BMAL2: variants seen among roughly 807,000 people sequenced by gnomAD.
BMAL2 encodes the protein basic helix-loop-helix ARNT like 2.
the BMAL2 span, among the ~76,000 whole-genome samples, chr12:27,371,609 A>G: frequency 1.3e-5 from 2 of 152,236 alleles, no homozygotes; most frequent in Non-Finnish European, 2.9e-5. Flanking sequence ...TGAATGCAGT[A>G]GGAAAACTGA....
chr12:27,421,879 G>A, the BMAL2 span: 1 of 152,150 alleles, frequency 6.6e-6, no homozygotes. Context: ...CAGATTAAAT[G>A]ATTAACTAAC....
chr12:27,406,566 G>A, the BMAL2 span, among the ~76,000 whole-genome samples: 1 of 152,282 alleles, frequency 6.6e-6, no homozygotes, highest in South Asian at 2.1e-4. Flanking sequence ...TCACCACCAG[G>A]ACTGCCTTAC....
chr12:27,364,757 A>C, the BMAL2 span, among the ~76,000 whole-genome samples: 1 of 152,190 alleles, frequency 6.6e-6, no homozygotes, highest in African/African-American at 2.4e-5. Flanking sequence ...AGTATATTGA[A>C]GCCTCCAATT....
the BMAL2 span, among the ~76,000 whole-genome samples, chr12:27,410,499 A>G: frequency 2.6e-5 from 4 of 152,350 alleles, no homozygotes; most frequent in Non-Finnish European, 4.4e-5. Context: ...GCAAGGACAA[A>G]AAACCAAACA....
chr12:27,351,129 C>A, the BMAL2 span, among the ~76,000 whole-genome samples: 1 of 151,972 alleles, frequency 6.6e-6, no homozygotes, highest in Non-Finnish European at 1.5e-5. Flanking sequence ...GCTGGGACTA[C>A]AGGTGTGTGC....
At chr12:27,369,581 G>T in the BMAL2 span, among the ~76,000 whole-genome samples, 1 of 152,198 alleles carries the variant, frequency 6.6e-6, no homozygotes, top group Non-Finnish European at 1.5e-5. Flanking sequence ...TAAATTATCA[G>T]TCAGTAGCTC....
At chr12:27,375,565 A>G in the BMAL2 span, among the ~76,000 whole-genome samples, 6 of 152,214 alleles carry the variant, frequency 3.9e-5, no homozygotes, top group Non-Finnish European at 5.9e-5. Context: ...GTATGTATCT[A>G]CATGTTTAGG....
the BMAL2 span, among the ~76,000 whole-genome samples, chr12:27,376,727 G>A: frequency 0.43 from 64,709 of 151,502 alleles, 14,521 homozygotes; most frequent in Admixed American, 0.51. Context: ...TCGGCCTGGC[G>A]CAGTGGCTTA....
At chr12:27,337,675 C>T in the BMAL2 span, among the ~76,000 whole-genome samples, 1 of 152,162 alleles carries the variant, frequency 6.6e-6, no homozygotes, top group South Asian at 2.1e-4. Context: ...TGGAACTAGG[C>T]CACTGGGCTT....
chr12:27,381,017 AAGTTATTG>A, the BMAL2 span, among the ~76,000 whole-genome samples: 1 of 151,850 alleles, frequency 6.6e-6, no homozygotes, highest in Non-Finnish European at 1.5e-5. Flanking sequence ...ATTAATTATT[AAGTTATTG>A]AGAGATTTCT....
chr12:27,420,497 C>T, the BMAL2 span: 1 of 1,609,514 alleles, frequency 6.2e-7, no homozygotes, highest in Non-Finnish European at 8.5e-7. Flanking sequence ...CCTGGGAGAC[C>T]CTGGGGACTT....
At chr12:27,379,777 GA>G in the BMAL2 span, among the ~76,000 whole-genome samples, 2 of 151,434 alleles carry the variant, frequency 1.3e-5, no homozygotes, top group Non-Finnish European at 3.0e-5. Flanking sequence ...ACGGTAGCAA[GA>G]ACAAAAAACA....
the BMAL2 span, among the ~76,000 whole-genome samples, chr12:27,335,502 A>G: frequency 6.6e-5 from 10 of 152,194 alleles, no homozygotes; most frequent in Non-Finnish European, 1.0e-4. Context: ...GTAAGATCCA[A>G]TTCTTTTACA....
chr12:27,371,584 A>AT, the BMAL2 span, among the ~76,000 whole-genome samples: 10 of 152,208 alleles, frequency 6.6e-5, no homozygotes, highest in African/African-American at 2.4e-4. Context: ...GAACTGAAGA[A>AT]TCTGAAAACT....
the BMAL2 span, chr12:27,333,201 C>A: frequency 1.8e-6 from 2 of 1,139,760 alleles, no homozygotes; most frequent in Non-Finnish European, 2.2e-6. Context: ...CCCGCTGCCC[C>A]GAGGGAAGCG....
chr12:27,356,563 G>C, the BMAL2 span, among the ~76,000 whole-genome samples: 1 of 152,114 alleles, frequency 6.6e-6, no homozygotes, highest in Non-Finnish European at 1.5e-5. Flanking sequence ...AGTAAGACGT[G>C]ATACTTAGAA....
chr12:27,335,715 A>G, the BMAL2 span, among the ~76,000 whole-genome samples: 1 of 151,818 alleles, frequency 6.6e-6, no homozygotes, highest in Admixed American at 6.6e-5. Flanking sequence ...AGAAGGAAAG[A>G]GAGAAAGAGT....
chr12:27,408,268 T>A, the BMAL2 span, among the ~76,000 whole-genome samples: 113,367 of 152,020 alleles, frequency 0.75, 42,756 homozygotes, highest in Middle Eastern at 0.9. Flanking sequence ...CCTGATACCA[T>A]AGCCTGGCAG....
chr12:27,359,625 T>A, the BMAL2 span, among the ~76,000 whole-genome samples: 1 of 151,894 alleles, frequency 6.6e-6, no homozygotes, highest in Non-Finnish European at 1.5e-5. Flanking sequence ...GAGGTTGCAG[T>A]GAGCCATGAT....
Sources: allele counts gnomAD v4.1 joint callset (sites outside exome capture counted in the v4.1 genomes callset), GRCh38; gene constraint gnomAD v4.1.1; transcripts MANE v1.5; gene names NCBI Gene and HGNC (gene_info 2026-07-23, HGNC 2026-07-21).